LRP1B: variants seen among roughly 807,000 people sequenced by gnomAD.
The protein encoded by LRP1B is low-density lipoprotein receptor-related protein 1B.
Under a neutral mutation model 556.6 loss-of-function variants are expected in LRP1B, and 217 were observed. The ratio of observed to expected loss-of-function variants is 0.39; its 90% CI spans 0.35 to 0.44. The LOEUF (loss-of-function observed/expected upper bound fraction) is 0.44, where lower values mean the gene tolerates loss of function less well. Among genes scored for constraint, LRP1B ranks in the 20% least tolerant of loss-of-function variants. The pLI is 1.00. For synonymous variants in LRP1B, 2,047 were observed against 1,865.8 expected (o/e 1.10, Z -2.50); for missense variants, 5,053 against 5,620.8 (o/e 0.90, Z 3.23).
chr2:141,567,323 G>A (rs917391973), intron 2 of LRP1B, among the ~76,000 whole-genome samples: 1 of 151,888 alleles, frequency 6.6e-6, no homozygotes, highest in African/African-American at 2.4e-5. Context: ...AATTGTTAAG[G>A]AAAGAAAACA....
intron 23 of LRP1B, among the ~76,000 whole-genome samples, chr2:140,891,345 G>A (rs550629054): frequency 6.6e-6 from 1 of 152,144 alleles, no homozygotes; most frequent in East Asian, 1.9e-4. Context: ...CTAGGAAAAA[G>A]AGTCCTTCTT....
intron 2 of LRP1B, among the ~76,000 whole-genome samples, chr2:141,584,085 T>A (rs1258006959): frequency 1.3e-5 from 2 of 150,664 alleles, no homozygotes; most frequent in African/African-American, 4.9e-5. Flanking sequence ...TCTACAAATT[T>A]CCCCCCAACG....
At chr2:140,903,258 A>T (rs1410047176) in intron 22 of LRP1B, 93 bp from the exon 23 acceptor site, 1 of 1,413,104 alleles carries the variant, frequency 7.1e-7, no homozygotes, top group Non-Finnish European at 9.6e-7. Context: ...GCCTACAATT[A>T]GCCAGGATAC....
intron 1 of LRP1B, among the ~76,000 whole-genome samples, chr2:142,129,507 T>G (rs891975468): frequency 1.3e-5 from 2 of 152,178 alleles, no homozygotes; most frequent in Non-Finnish European, 2.9e-5. Flanking sequence ...CTGCTTCATG[T>G]AAATACAATA....
At chr2:141,970,983 A>G (rs560097302) in intron 1 of LRP1B, among the ~76,000 whole-genome samples, 1 of 151,654 alleles carries the variant, frequency 6.6e-6, no homozygotes, top group East Asian at 1.9e-4. Context: ...AGTCATTCAC[A>G]TTCTAACTAT....
At chr2:141,261,077 T>C (rs918680673) in intron 3 of LRP1B, among the ~76,000 whole-genome samples, 6 of 152,160 alleles carry the variant, frequency 3.9e-5, no homozygotes, top group Non-Finnish European at 8.8e-5. Context: ...ACAGCTCCTC[T>C]TGTCAGCAGG....
intron 21 of LRP1B, among the ~76,000 whole-genome samples, chr2:140,919,394 G>C (rs930506260): frequency 6.6e-6 from 1 of 152,064 alleles, no homozygotes; most frequent in Non-Finnish European, 1.5e-5. Flanking sequence ...CTCAATTGCA[G>C]TGCCTGTGTC....
intron 1 of LRP1B, among the ~76,000 whole-genome samples, chr2:141,985,691 T>A (rs138741710): frequency 6.6e-6 from 1 of 151,946 alleles, no homozygotes; most frequent in Non-Finnish European, 1.5e-5. Context: ...TGTTGATGTA[T>A]TTACCTGTGT....
chr2:140,885,242 A>C (rs997924457), intron 24 of LRP1B, among the ~76,000 whole-genome samples: 2 of 152,182 alleles, frequency 1.3e-5, no homozygotes, highest in Non-Finnish European at 2.9e-5. Flanking sequence ...CCATTTTTCA[A>C]AATTGCAAAG....
At chr2:140,771,684 T>G (rs59446721) in intron 33 of LRP1B, among the ~76,000 whole-genome samples, 10,927 of 152,202 alleles carry the variant, frequency 0.072, 564 homozygotes, top group African/African-American at 0.13. Flanking sequence ...TCCATTGAAT[T>G]TACTAGGCCC....
chr2:141,895,048 C>CAAAAAAAA (rs369108197), intron 1 of LRP1B, among the ~76,000 whole-genome samples: 1 of 78,518 alleles, frequency 1.3e-5, no homozygotes, highest in Non-Finnish European at 2.4e-5. Context: ...AACTCCATCT[C>CAAAAAAAA]AAAAAAAAAA....
intron 9 of LRP1B, among the ~76,000 whole-genome samples, chr2:141,056,031 T>C (rs536290472): frequency 4.6e-5 from 7 of 151,948 alleles, no homozygotes; most frequent in Non-Finnish European, 1.0e-4. Flanking sequence ...ATTGTAATTA[T>C]GTTTCTTTTA....
At chr2:142,078,162 T>C (rs13398962) in intron 1 of LRP1B, among the ~76,000 whole-genome samples, 22,910 of 152,120 alleles carry the variant, frequency 0.15, 1,872 homozygotes, top group Non-Finnish European at 0.19. Context: ...ACAGTTTTAG[T>C]CTGGTGCTTG....
intron 66 of LRP1B, among the ~76,000 whole-genome samples, chr2:140,442,103 C>A (rs747359399): frequency 6.6e-6 from 1 of 151,430 alleles, no homozygotes; most frequent in Non-Finnish European, 1.5e-5. Context: ...GAATGACATA[C>A]AATATCATTG....
Position 140,732,208 on chromosome 2 carries a change from T to C in LRP1B, c.5759-15392A>G, listed in dbSNP as rs1687803071. 1.3e-5 allele frequency among the ~76,000 whole-genome samples: 2 copies of C among 152,166 alleles called. 1 individual carries two copies. The highest frequency in any genetic ancestry group is 4.8e-5 in the African/African-American group (2 of 41,512). On this transcript the variant is annotated intron_variant, in intron 35 of 90. Coordinates refer to ENST00000389484, the MANE Select transcript of LRP1B (RefSeq NM_018557.3). ...TTTTTTTAATGTTTCAAAGTTTCCA[T>C]GGTAAAATGTTTAAAAAGTACTCCA...
chr2:141,471,268 A>ATGTTTTTT lies in LRP1B; in HGVS notation c.343+9127_343+9128insAAAAAACA, dbSNP rs1553518973. Among the ~76,000 whole-genome samples the ATGTTTTTT allele has an allele frequency of 2.2e-4, 7 of 31,900 alleles. 1 individual carries two copies. Among genetic ancestry groups the ATGTTTTTT allele is most frequent in the African/African-American group, 2.2e-4 (3 of 13,712 alleles). The allele number at this position is 31,900 out of a possible 152,430, so 20.9% of individuals were successfully genotyped here. A position where few individuals can be genotyped will look rare whatever the true frequency, so the allele number is the denominator to read the frequency against. On this transcript the variant is annotated intron_variant, in intron 3 of 90. Transcript: ENST00000389484. ...AATACTATTGAGAATATACCCTGGTATTTTTTTTTTTTTTTTTTTTTTTTT... is the reference window on the plus strand; with the variant it reads ...AATACTATTGAGAATATACCCTGGTATGTTTTTTTTTTTTTTTTTTTTTTTTTTTTTTT...
At chr2:141,575,817 G>C (rs1183313702) in intron 2 of LRP1B, among the ~76,000 whole-genome samples, 1 of 149,348 alleles carries the variant, frequency 6.7e-6, no homozygotes, top group African/African-American at 2.5e-5. Context: ...CTCAAAAGAA[G>C]ATATTTATGT....
At chr2:140,548,816 T>C (rs1680440910) in intron 43 of LRP1B, among the ~76,000 whole-genome samples, 2 of 151,986 alleles carry the variant, frequency 1.3e-5, no homozygotes, top group Admixed American at 1.3e-4. Flanking sequence ...TCCCAGCTAC[T>C]CAGGAGGCTA....
intron 2 of LRP1B, among the ~76,000 whole-genome samples, chr2:141,630,895 C>T (rs78362345): frequency 0.011 from 1,699 of 152,274 alleles, 20 homozygotes; most frequent in Middle Eastern, 0.017. Flanking sequence ...TTTCCTCCAC[C>T]TTTACAGTTT....
Sources: allele counts gnomAD v4.1 joint callset (sites outside exome capture counted in the v4.1 genomes callset), GRCh38; gene constraint gnomAD v4.1.1; transcripts MANE v1.5; gene names NCBI Gene and HGNC (gene_info 2026-07-23, HGNC 2026-07-21).